ADGB: variants seen among roughly 807,000 people sequenced by gnomAD.
The protein encoded by ADGB is calpain-7-like protein.
ADGB carries 172 observed loss-of-function variants against 210.5 expected under a neutral mutation model. That is an observed-to-expected ratio of 0.82 (90% CI 0.72 to 0.93). The LOEUF (loss-of-function observed/expected upper bound fraction) is 0.93. Among genes scored for constraint, ADGB ranks in the 40% least tolerant of loss-of-function variants. ADGB has a pLI of 0.00. For synonymous variants in ADGB, 658 were observed against 662.7 expected (o/e 0.99, Z 0.11); for missense variants, 2,025 against 1,964.8 (o/e 1.03, Z -0.58).
intron 25 of ADGB, among the ~76,000 whole-genome samples, chr6:146,743,773 G>T (rs1201133795): frequency 2.6e-5 from 4 of 152,282 alleles, no homozygotes; most frequent in African/African-American, 7.2e-5. Context: ...AATTAGCCAG[G>T]CGTGGTGGCG....
At chr6:146,752,014 T>C (rs1562292306) in intron 26 of ADGB, among the ~76,000 whole-genome samples, 2 of 152,184 alleles carry the variant, frequency 1.3e-5, no homozygotes, top group Non-Finnish European at 2.9e-5. Flanking sequence ...GGTTATCATA[T>C]CAGAAAATTA....
chr6:146,725,987 C>T (rs1776889342), intron 18 of ADGB, 96 bp from the exon 19 acceptor site: 2 of 682,652 alleles, frequency 2.9e-6, no homozygotes, highest in East Asian at 5.6e-5. Flanking sequence ...TAACCTTTTA[C>T]TTCATTTGAG....
chr6:146,710,325 T>G (rs1258140499), intron 13 of ADGB, among the ~76,000 whole-genome samples: 1 of 152,030 alleles, frequency 6.6e-6, no homozygotes, highest in East Asian at 1.9e-4. Flanking sequence ...AGACCAATTT[T>G]ATTTTTTCCC....
chr6:146,600,478 GC>G (rs1780538871), intron 1 of ADGB: 1 of 153,474 alleles, frequency 6.5e-6, no homozygotes, highest in Non-Finnish European at 1.5e-5. Flanking sequence ...CTATTGGAAA[GC>G]TTTTCTGCTC....
At chr6:146,783,116 G>T (rs1002410059) in intron 30 of ADGB, among the ~76,000 whole-genome samples, 1 of 151,942 alleles carries the variant, frequency 6.6e-6, no homozygotes, top group Non-Finnish European at 1.5e-5. Context: ...GTCAGGAACA[G>T]GAAAAAAGGA....
At chr6:146,615,145 A>T (rs1349271672) in intron 1 of ADGB, among the ~76,000 whole-genome samples, 1 of 151,530 alleles carries the variant, frequency 6.6e-6, no homozygotes, top group Non-Finnish European at 1.5e-5. Flanking sequence ...TGACCTCGTG[A>T]TCCCCCTGCC....
Position 146,788,595 on chromosome 6 carries a change from C to T in ADGB, c.4522C>T (p.Arg1508Trp), listed in dbSNP as rs188106474. The change falls in exon 33 of 36, where the codon CGG becomes TGG. Residue 1508 changes from arginine (R) to tryptophan (W), a missense_variant. Coordinates refer to ENST00000397944, the MANE Select transcript of ADGB (RefSeq NM_024694.4). ...PGKEEREQST[R>W]KENIQTGPRT... ...GAAAGAAGAGCGCGAGCAGAGCACACGGAAGGAAAACATTCGTAAGTATTG... is the reference window on the plus strand; with the variant it reads ...GAAAGAAGAGCGCGAGCAGAGCACATGGAAGGAAAACATTCGTAAGTATTG... 2.6e-5 allele frequency: 40 copies of T among 1,551,150 alleles called. No homozygotes were observed. In the East Asian group the frequency reaches 2.9e-4, roughly 11 times the overall value.
At chr6:146,725,040 G>C (rs1776874060) in intron 18 of ADGB, 1 of 152,058 alleles carries the variant, frequency 6.6e-6, no homozygotes, top group Non-Finnish European at 1.5e-5. Flanking sequence ...TATGCAAAAA[G>C]CAAAGCCTCA....
intron 27 of ADGB, among the ~76,000 whole-genome samples, chr6:146,753,178 T>C (rs1028353653): frequency 6.6e-6 from 1 of 152,072 alleles, no homozygotes; most frequent in African/African-American, 2.4e-5. Context: ...TGTTAGTAAC[T>C]TGATTCTGAC....
At chr6:146,683,827 A>G (rs1002086583) in intron 9 of ADGB, among the ~76,000 whole-genome samples, 1 of 152,142 alleles carries the variant, frequency 6.6e-6, no homozygotes, top group Non-Finnish European at 1.5e-5. Flanking sequence ...GACTTATTAA[A>G]GATCAAGGAC....
At chr6:146,712,289 A>T (rs1363404464) in intron 13 of ADGB, among the ~76,000 whole-genome samples, 1 of 151,692 alleles carries the variant, frequency 6.6e-6, no homozygotes, top group African/African-American at 2.4e-5. Context: ...GGTTCAAGTG[A>T]TTCTCCTGCC....
At chr6:146,747,647 T>C (rs1385884029) in intron 26 of ADGB, among the ~76,000 whole-genome samples, 2 of 152,072 alleles carry the variant, frequency 1.3e-5, no homozygotes, top group African/African-American at 4.8e-5. Context: ...GAAGTATGGA[T>C]TTTTACATTA....
intron 2 of ADGB, among the ~76,000 whole-genome samples, chr6:146,642,299 G>T (rs1301890847): frequency 6.6e-6 from 1 of 152,010 alleles, no homozygotes. Context: ...GTGTAAATTA[G>T]TTCAACCATT....
intron 35 of ADGB, chr6:146,803,681 T>A: frequency 7.2e-6 from 9 of 1,258,326 alleles, no homozygotes; most frequent in Non-Finnish European, 1.0e-5. Flanking sequence ...AAAGTTCCGT[T>A]TTTTAACATT....
intron 2 of ADGB, among the ~76,000 whole-genome samples, chr6:146,636,713 T>C (rs566954321): frequency 6.6e-6 from 1 of 152,126 alleles, no homozygotes; most frequent in South Asian, 2.1e-4. Context: ...TCCATAACTC[T>C]TGAAGTAGCA....
intron 3 of ADGB, among the ~76,000 whole-genome samples, chr6:146,649,049 A>C (rs770784023): frequency 1.3e-5 from 2 of 151,914 alleles, no homozygotes; most frequent in Non-Finnish European, 2.9e-5. Flanking sequence ...AAGTCTTCCT[A>C]CAAGCATTTA....
chr6:146,718,693 A>G (rs1167197538), intron 16 of ADGB, among the ~76,000 whole-genome samples: 2 of 152,256 alleles, frequency 1.3e-5, no homozygotes, highest in Non-Finnish European at 2.9e-5. Context: ...CAAGCCCCTA[A>G]TGATAATCCC....
At chr6:146,677,009 G>A (rs2114907846) in intron 9 of ADGB, among the ~76,000 whole-genome samples, 1 of 152,174 alleles carries the variant, frequency 6.6e-6, no homozygotes, top group African/African-American at 2.4e-5. Context: ...AACTATTTTT[G>A]TGAAAATGCT....
chr6:146,812,608 A>G (rs1778318553), intron 35 of ADGB, among the ~76,000 whole-genome samples: 1 of 152,214 alleles, frequency 6.6e-6, no homozygotes, highest in East Asian at 1.9e-4. Context: ...AACCATGCAG[A>G]CATCTCAGGT....
Sources: gnomAD v4.1 joint callset for allele counts (sites outside exome capture counted in the v4.1 genomes callset) on GRCh38, gnomAD v4.1.1 for gene constraint, MANE v1.5 for transcripts, NCBI Gene and HGNC (gene_info 2026-07-23, HGNC 2026-07-21) for gene names.